Variants in HSPG2 observed in about 807,000 individuals in gnomAD.
HSPG2 encodes the protein basement membrane-specific heparan sulfate proteoglycan core protein.
HSPG2 carries 278 observed loss-of-function variants against 526.6 expected under a neutral mutation model. That is an observed-to-expected ratio of 0.53 (90% CI 0.48 to 0.58). The LOEUF (loss-of-function observed/expected upper bound fraction) is 0.58. Among genes scored for constraint, HSPG2 ranks in the 20% least tolerant of loss-of-function variants. The pLI is 0.00. For missense variants in HSPG2, 5,354 were observed against 6,099.5 expected, an observed-to-expected ratio of 0.88 and a Z score of 4.07; for synonymous variants, 2,465 against 2,555.4, an observed-to-expected ratio of 0.96 and a Z score of 1.07.
chr1:21,936,784 G>C (rs1644499784), intron 1 of HSPG2, among the ~76,000 whole-genome samples: 1 of 152,182 alleles, frequency 6.6e-6, no homozygotes, highest in African/African-American at 2.4e-5. Context: ...TGGCGCAGAA[G>C]GGTTCCCTCG....
chr1:21,897,413 A>C (rs1642827888), intron 1 of HSPG2, among the ~76,000 whole-genome samples: 1 of 152,330 alleles, frequency 6.6e-6, no homozygotes, highest in East Asian at 1.9e-4. Context: ...AGCAAAGGCC[A>C]AGGAGGAGAA....
At chr1:21,874,835 G>A (rs1640921150) in intron 26 of HSPG2, 56 bp downstream of exon 26, 3 of 1,529,938 alleles carry the variant, frequency 2.0e-6, no homozygotes, top group African/African-American at 1.4e-5. Context: ...CATGGAGAAG[G>A]AGCGGGAAGC....
chr1:21,851,444 G>T, intron 55 of HSPG2, 102 bp downstream of exon 55: 1 of 1,558,586 alleles, frequency 6.4e-7, no homozygotes, highest in Non-Finnish European at 8.8e-7. Context: ...ATGGGGTCCA[G>T]GGCTTCCTGA....
At chr1:21,915,545 C>G (rs1160966121) in intron 1 of HSPG2, among the ~76,000 whole-genome samples, 2 of 151,840 alleles carry the variant, frequency 1.3e-5, no homozygotes, top group East Asian at 1.9e-4. Flanking sequence ...GAGAGAGGAG[C>G]AGCAAGAAGA....
rs1388138622 is a variant in HSPG2, at chr1:21,890,819, G to A, written c.245-125C>T. Reference sequence around the variant, plus strand: ...GAGGCCTCCCTCGAGGCTGACACCTGTGTGCCCACTGCTACACCCAGGACT... The same window carrying A: ...GAGGCCTCCCTCGAGGCTGACACCTATGTGCCCACTGCTACACCCAGGACT... On this transcript the variant is annotated intron_variant, in intron 3 of 96. Coordinates refer to ENST00000374695, the MANE Select transcript of HSPG2 (RefSeq NM_005529.7). The surrounding 1 kb of genome is among the most constrained non-coding windows in gnomAD (Gnocchi z 4.1). 4.1e-6 allele frequency: 3 copies of A among 731,556 alleles called. No individual in the cohort carries two copies. The Admixed American group carries it at 5.9e-5, about 15-fold the overall frequency. 45.3% of individuals were successfully genotyped at this position (731,556 alleles called of 1,614,324 possible).
chr1:21,881,204 C>T (rs1230846710), intron 14 of HSPG2, 135 bp downstream of exon 14: 52 of 1,083,380 alleles, frequency 4.8e-5, no homozygotes, highest in African/African-American at 1.4e-4. Context: ...ATGGATGAGC[C>T]GCTGCCACAG....
intron 1 of HSPG2, among the ~76,000 whole-genome samples, chr1:21,936,624 C>T (rs973497425): frequency 1.3e-5 from 2 of 152,176 alleles, no homozygotes; most frequent in Non-Finnish European, 2.9e-5. Flanking sequence ...CTCCAAGGCC[C>T]GTGGGTGTTC....
Position 21,823,353 on chromosome 1 carries a change from G to T in HSPG2, c.13139C>A (p.Ala4380Asp). 1 of 1,544,388 alleles carries T rather than the reference G, an allele frequency of 6.5e-7. No homozygotes were observed. The highest frequency in any genetic ancestry group is 2.4e-5 in the East Asian group (1 of 41,232). Residue 4380 changes from alanine to aspartate, a missense_variant, in exon 97 of 97, where the codon GCC (alanine) becomes GAC (aspartate). Physicochemically the swap from Ala to Asp is moderately radical, Grantham distance 126 (BLOSUM62 -2). Transcript: ENST00000374695. ...PPQPLDLQHR[A>D]QAGANTRPCP... The stretch of plus-strand genomic sequence containing the variant: ...GGGGCGTGTGTTGGCCCCGGCCTGG[G>T]CGCGGTGCTGCAGGTCCAGGGGCTG...
chr1:21,837,186 TCCA>T (rs1268625513), intron 74 of HSPG2, among the ~76,000 whole-genome samples, 180 bp from the exon 75 acceptor site: 2 of 152,174 alleles, frequency 1.3e-5, no homozygotes, highest in Non-Finnish European at 2.9e-5. Context: ...CAGCTGCCAT[TCCA>T]CCAACATGGA....
chr1:21,852,305 C>A (rs1399812486), intron 52 of HSPG2, 72 bp from the exon 53 acceptor site: 2 of 1,573,004 alleles, frequency 1.3e-6, no homozygotes, highest in African/African-American at 1.3e-5. Context: ...GCCCACCCTG[C>A]AGCTAGCTCA....
In HSPG2 at chr1:21,831,199, T is replaced by A; in HGVS notation, c.11562+16A>T. 1 of 1,608,276 alleles carries A rather than the reference T, an allele frequency of 6.2e-7. No individual in the cohort carries two copies. Among genetic ancestry groups the A allele is most frequent in the Non-Finnish European group, 8.5e-7 (1 of 1,174,966 alleles). ...GAGGCCACGGCAGCCAGGTGGTGTG[T>A]GGGGTGTGGGGTCACCTGGCAGGGC... is the stretch of plus-strand genomic sequence containing the variant. On this transcript the variant is annotated intron_variant, in intron 84 of 96. Coordinates refer to ENST00000374695, the MANE Select transcript of HSPG2 (RefSeq NM_005529.7).
Position 21,826,755 on chromosome 1 carries a change from C to T in HSPG2, c.12589+1108G>A, listed in dbSNP as rs142447076. 3.4e-3 allele frequency among the ~76,000 whole-genome samples: 515 copies of T among 152,240 alleles called. 2 individuals carry two copies. The highest frequency in any genetic ancestry group is 0.011 in the African/African-American group (470 of 41,554). On this transcript the variant is annotated intron_variant, in intron 91 of 96. Transcript: ENST00000374695. The stretch of plus-strand genomic sequence containing the variant: ...AATTCCCAACCTCAGGTGATCTGCC[C>T]GCTTCAGCTTCCTAAAGTGCTGGGA...
At chr1:21,823,578 G>C in intron 96 of HSPG2, 38 bp downstream of exon 96, 2 of 1,609,296 alleles carry the variant, frequency 1.2e-6, no homozygotes, top group Non-Finnish European at 1.7e-6. Flanking sequence ...AGGGAGTGCC[G>C]TTCCTGCCCC....
chr1:21,824,678 A>T lies in HSPG2; in HGVS notation c.12665+26T>A. ...GATTCCCATCCTCCCCATTAGGCCC[A>T]TGGGCCCTTCCAATGCCAGTCTCAC... is the stretch of plus-strand genomic sequence containing the variant. On this transcript the variant is annotated intron_variant, in intron 92 of 96. Transcript: ENST00000374695. The surrounding 1 kb of genome is among the most constrained non-coding windows in gnomAD (Gnocchi z 5.9). 1 of 1,613,358 alleles carries T rather than the reference A, an allele frequency of 6.2e-7. No individual in the cohort carries two copies. The highest frequency in any genetic ancestry group is 1.3e-5 in the African/African-American group (1 of 75,016).
intron 87 of HSPG2, 70 bp from the exon 88 acceptor site, chr1:21,829,149 C>G (rs2152689938): frequency 2.0e-6 from 3 of 1,507,384 alleles, no homozygotes; most frequent in South Asian, 1.2e-5. Context: ...CCACCACAAA[C>G]AGGGCCCTGA....
intron 1 of HSPG2, among the ~76,000 whole-genome samples, chr1:21,909,069 T>C (rs1049412184): frequency 2.6e-5 from 4 of 151,994 alleles, no homozygotes; most frequent in African/African-American, 7.3e-5. Context: ...GATGGCGCCA[T>C]TGCACTCCAG....
In HSPG2 at chr1:21,831,329, G is replaced by A. The variant is rs756223706; in HGVS notation, c.11453-5C>T. 1.2e-5 allele frequency: 19 copies of A among 1,613,670 alleles called. No individual in the cohort carries two copies. In the South Asian group the frequency reaches 2.0e-4, roughly 17 times the overall value. The stretch of plus-strand genomic sequence containing the variant: ...TGCGCAGCTCCCGGACACAGCCTGG[G>A]AGGTGAGTGGGCAGGATGAGCACAG... On this transcript the variant is annotated splice_polypyrimidine_tract_variant and splice_region_variant and intron_variant, in intron 83 of 96. Coordinates refer to ENST00000374695, the MANE Select transcript of HSPG2 (RefSeq NM_005529.7).
At chr1:21,836,721 TG>T in intron 75 of HSPG2, 80 bp downstream of exon 75, 1 of 1,256,442 alleles carries the variant, frequency 8.0e-7, no homozygotes, top group Non-Finnish European at 1.1e-6. Context: ...TTGCGCCCCC[TG>T]GGGCAGGTGC....
Position 21,839,977 on chromosome 1 carries a change from C to T in HSPG2, c.9554G>A (p.Cys3185Tyr). Residue 3185 changes from cysteine to tyrosine, a missense_variant, in exon 72 of 97, where the codon TGC (cysteine) becomes TAC (tyrosine). Physicochemically the swap from Cys to Tyr is radical, Grantham distance 194. Coordinates refer to ENST00000374695, the MANE Select transcript of HSPG2 (RefSeq NM_005529.7). The surrounding 1 kb of genome is among the most constrained non-coding windows in gnomAD (Gnocchi z 4.5). ...AKPSDAGTYV[C>Y]LAQNALGTAQ... is the part of the protein sequence containing the mutation. ...TGTGCCTAGTGCATTCTGAGCAAGG[C>T]ACACATAAGTGCCCGCATCTGATGG... The T allele has an allele frequency of 6.2e-7, 1 of 1,614,208 alleles. No individual in the cohort carries two copies. The highest frequency in any genetic ancestry group is 1.1e-5 in the South Asian group (1 of 91,086).
Sources: gnomAD v4.1 joint callset for allele counts (sites outside exome capture counted in the v4.1 genomes callset) on GRCh38, gnomAD v4.1.1 for gene constraint, Gnocchi (gnomAD v3.1) non-coding constraint, MANE v1.5 for transcripts, NCBI Gene and HGNC (gene_info 2026-07-23, HGNC 2026-07-21) for gene names.